Variants in ENAH observed in about 807,000 individuals in gnomAD.
ENAH encodes ENAH actin regulator.
ENAH carries 23 observed loss-of-function variants against 78.7 expected under a neutral mutation model. The ratio of observed to expected loss-of-function variants is 0.29; its 90% CI spans 0.21 to 0.41. The LOEUF (loss-of-function observed/expected upper bound fraction) is 0.41, where lower values mean the gene tolerates loss of function less well. ENAH is among the 10% of genes least tolerant of loss of function. ENAH has a pLI of 1.00. For synonymous variants in ENAH, 226 were observed against 241.0 expected (o/e 0.94, Z 0.58); for missense variants, 544 against 691.0 (o/e 0.79, Z 2.39).
intron 11 of ENAH, among the ~76,000 whole-genome samples, chr1:225,501,694 T>C (rs1304817610): frequency 6.6e-6 from 1 of 152,236 alleles, no homozygotes; most frequent in East Asian, 1.9e-4. Flanking sequence ...GAAATTTTTA[T>C]GGAGACGTCA....
At chr1:225,574,919 A>AT (rs1553445082) in intron 1 of ENAH, among the ~76,000 whole-genome samples, 61 of 2,994 alleles carry the variant, frequency 0.02, 3 homozygotes, top group Non-Finnish European at 0.033. Flanking sequence ...AAAAAAAAAA[A>AT]ATATATATAT....
chr1:225,566,351 T>TCTTACCAATCCATA (rs2096735116), intron 2 of ENAH, among the ~76,000 whole-genome samples: 1 of 152,014 alleles, frequency 6.6e-6, no homozygotes, highest in Non-Finnish European at 1.5e-5. Flanking sequence ...ACATGACAAA[T>TCTTACCAATCCATA]CTTACCAATC....
chr1:225,528,128 T>C, intron 4 of ENAH, among the ~76,000 whole-genome samples: 1 of 152,292 alleles, frequency 6.6e-6, no homozygotes, highest in Non-Finnish European at 1.5e-5. Context: ...TTCTTAACTT[T>C]TTATTAGAAA....
chr1:225,584,466 C>T (rs2147794319), intron 1 of ENAH, among the ~76,000 whole-genome samples: 1 of 151,746 alleles, frequency 6.6e-6, no homozygotes, highest in Non-Finnish European at 1.5e-5. Flanking sequence ...TTCAATTTAT[C>T]CCCCAAAAAG....
rs7540181 is a variant in ENAH at position 225,531,669 on chromosome 1, T to A, written c.350-1031A>T. On this transcript the variant is annotated intron_variant, in intron 3 of 13. Coordinates refer to ENST00000366843, the MANE Select transcript of ENAH (RefSeq NM_018212.6). ...ATATTCTGAAAGATTTGTAGACAAC[T>A]TAGGAAAATAAGTTACGAAATAAAT... Among the ~76,000 whole-genome samples, 4 of 151,974 alleles carry A rather than the reference T, an allele frequency of 2.6e-5. No homozygotes were observed. In the South Asian group the frequency reaches 6.2e-4, roughly 24 times the overall value.
chr1:225,593,464 G>C (rs1294134952), intron 1 of ENAH, among the ~76,000 whole-genome samples: 1 of 143,802 alleles, frequency 7.0e-6, no homozygotes, highest in Non-Finnish European at 1.5e-5. Flanking sequence ...AAGAGTCTTT[G>C]TGACAAGAGG....
In ENAH at chr1:225,489,481, C is replaced by T. The variant is rs190760292; in HGVS notation, c.*8294G>A. The stretch of plus-strand genomic sequence containing the variant: ...GGATGCATGCTGTCCAGTGCAATAG[C>T]GTCTATGACTATAAAACAACTAAAA... On this transcript the variant is annotated 3_prime_UTR_variant, in exon 14 of 14. Transcript: ENST00000366843. 6 of 152,198 alleles carry T rather than the reference C, an allele frequency of 3.9e-5. No homozygotes were observed. Among genetic ancestry groups the T allele is most frequent in the Non-Finnish European group, 2.9e-5 (2 of 68,018 alleles). The allele number at this position is 152,198 out of a possible 1,614,324, so 9.4% of individuals were successfully genotyped here.
chr1:225,538,270 A>T (rs572272650), intron 3 of ENAH, among the ~76,000 whole-genome samples: 2 of 151,892 alleles, frequency 1.3e-5, no homozygotes, highest in African/African-American at 4.9e-5. Flanking sequence ...CGTTTGCTCA[A>T]AGGTATCTAG....
chr1:225,554,839 TA>T, intron 3 of ENAH, 66 bp downstream of exon 3: 1 of 1,335,754 alleles, frequency 7.5e-7, no homozygotes. Flanking sequence ...AGAATACAAG[TA>T]AATCTTCAGT....
At chr1:225,605,423 T>C (rs1243218204) in intron 1 of ENAH, among the ~76,000 whole-genome samples, 1 of 152,188 alleles carries the variant, frequency 6.6e-6, no homozygotes, top group African/African-American at 2.4e-5. Context: ...AGTTCATAGA[T>C]TTGGAAGCAA....
At position 225,552,179 on chromosome 1, in the gene ENAH, C is replaced by T. The variant is rs529387240; in HGVS notation, c.349+2727G>A. 4.0e-5 allele frequency among the ~76,000 whole-genome samples: 6 copies of T among 149,098 alleles called. No individual in the cohort carries two copies. In the South Asian group the frequency reaches 1.3e-3, roughly 32 times the overall value. On this transcript the variant is annotated intron_variant, in intron 3 of 13. Transcript: ENST00000366843. ...TGAGACAGAGTCTTGCTCAGTCGCC[C>T]AGGCTGGAGAGCAGTGGCACGATCT...
At chr1:225,600,636 T>C (rs570683983) in intron 1 of ENAH, among the ~76,000 whole-genome samples, 71 of 151,778 alleles carry the variant, frequency 4.7e-4, no homozygotes, top group African/African-American at 1.4e-3. Context: ...GGTGGGAGGA[T>C]TGCTTGAGCC....
intron 2 of ENAH, among the ~76,000 whole-genome samples, chr1:225,560,933 A>G (rs1342161346): frequency 6.6e-6 from 1 of 152,234 alleles, no homozygotes; most frequent in East Asian, 1.9e-4. Context: ...CCTTTTTCCA[A>G]TATAAAAATT....
At chr1:225,527,920 C>T (rs527554305) in intron 4 of ENAH, among the ~76,000 whole-genome samples, 92 of 152,196 alleles carry the variant, frequency 6.0e-4, no homozygotes, top group African/African-American at 2.0e-3. Context: ...TTATCTTAAT[C>T]AACTCAACAA....
At chr1:225,520,484 A>G (rs912875304) in intron 4 of ENAH, among the ~76,000 whole-genome samples, 3 of 152,138 alleles carry the variant, frequency 2.0e-5, no homozygotes, top group African/African-American at 7.2e-5. Flanking sequence ...GTAAAAATAC[A>G]CATATAAACT....
At chr1:225,587,233 G>A (rs2096851968) in intron 1 of ENAH, among the ~76,000 whole-genome samples, 1 of 152,054 alleles carries the variant, frequency 6.6e-6, no homozygotes, top group African/African-American at 2.4e-5. Context: ...AGGACAGAAA[G>A]GGAAAATAGC....
chr1:225,639,406 TAAG>T (rs1660617888), intron 1 of ENAH, among the ~76,000 whole-genome samples: 1 of 152,212 alleles, frequency 6.6e-6, no homozygotes, highest in Non-Finnish European at 1.5e-5. Context: ...GTAACAGTAC[TAAG>T]AAGTGATTCG....
At chr1:225,526,603 C>G (rs1474002318) in intron 4 of ENAH, among the ~76,000 whole-genome samples, 1 of 151,536 alleles carries the variant, frequency 6.6e-6, no homozygotes, top group Admixed American at 6.6e-5. Context: ...TCCCAAAGTG[C>G]TGGGATTATG....
chr1:225,548,402 T>A (rs1360718093), intron 3 of ENAH, among the ~76,000 whole-genome samples: 1 of 152,162 alleles, frequency 6.6e-6, no homozygotes, highest in African/African-American at 2.4e-5. Context: ...AAACTCAAGT[T>A]CTTTCTACTA....
Sources: gnomAD v4.1 joint callset for allele counts (sites outside exome capture counted in the v4.1 genomes callset) on GRCh38, gnomAD v4.1.1 for gene constraint, MANE v1.5 for transcripts, NCBI Gene and HGNC (gene_info 2026-07-23, HGNC 2026-07-21) for gene names.